The following EYA4 variants were observed in gnomAD, a reference collection of about 807,000 sequenced individuals.
The protein encoded by EYA4 is EYA transcriptional coactivator and phosphatase 4, also known as protein phosphatase EYA4.
EYA4 carries 31 observed loss-of-function variants against 87.9 expected under a neutral mutation model. The observed-to-expected ratio is 0.35, with a 90% CI of 0.27 to 0.48. EYA4 has a LOEUF of 0.48. Ranked by LOEUF, EYA4 falls within the 20% of genes least tolerant of loss-of-function variation. The probability of loss-of-function intolerance (pLI) is 0.99; values close to 1 mark genes in which losing one functional copy is unlikely to be tolerated. For missense variants in EYA4, 678 were observed against 761.4 expected, an observed-to-expected ratio of 0.89 and a Z score of 1.29; for synonymous variants, 263 against 270.6, an observed-to-expected ratio of 0.97 and a Z score of 0.28.
chr6:133,289,459 A>G (rs759449626), intron 2 of EYA4, among the ~76,000 whole-genome samples: 2 of 152,206 alleles, frequency 1.3e-5, no homozygotes, highest in Non-Finnish European at 2.9e-5. Flanking sequence ...GTTTTCTTTT[A>G]GCAAAATATC....
intron 7 of EYA4, 132 bp from the exon 8 acceptor site, chr6:133,462,203 C>A: frequency 9.1e-7 from 1 of 1,100,876 alleles, no homozygotes; most frequent in Non-Finnish European, 1.4e-6. Flanking sequence ...TTGCTTTTTC[C>A]TATATTGTTA....
rs570238963 is a variant in EYA4 at position 133,508,924 on chromosome 6, T to C, written c.1281+2729T>C. 1.6e-3 allele frequency among the ~76,000 whole-genome samples: 249 copies of C among 152,172 alleles called. 1 individual carries two copies. Among genetic ancestry groups the C allele is most frequent in the Non-Finnish European group, 3.1e-3 (208 of 68,022 alleles). Reference sequence around the variant, plus strand: ...TTTTTAGTTGTGTTTTAGAATGTGATAAGAATTTCATTTGACTCAAACCCT... The same window carrying C: ...TTTTTAGTTGTGTTTTAGAATGTGACAAGAATTTCATTTGACTCAAACCCT... On this transcript the variant is annotated intron_variant, in intron 14 of 19. Transcript: ENST00000355286.
chr6:133,526,038 GC>G (rs1166155316), intron 19 of EYA4: 2 of 374,752 alleles, frequency 5.3e-6, no homozygotes, highest in Non-Finnish European at 7.3e-6. Context: ...TTTTCATCTG[GC>G]CCGTATTTCT....
Position 133,462,772 on chromosome 6 carries a change from G to A in EYA4, c.724+8G>A. On this transcript the variant is annotated splice_region_variant and intron_variant, in intron 9 of 19. Transcript: ENST00000355286. ...ATTCTTACCAAATGCCAGGTAAGTAGCTACACATGAAACATGTTTTGGGAG... is the reference window on the plus strand; with the variant it reads ...ATTCTTACCAAATGCCAGGTAAGTAACTACACATGAAACATGTTTTGGGAG... 1 of 1,613,290 alleles carries A rather than the reference G, an allele frequency of 6.2e-7. No homozygotes were observed. Among genetic ancestry groups the A allele is most frequent in the Non-Finnish European group, 8.5e-7 (1 of 1,179,380 alleles).
At chr6:133,437,040 A>G (rs1791755691) in intron 3 of EYA4, among the ~76,000 whole-genome samples, 1 of 152,164 alleles carries the variant, frequency 6.6e-6, no homozygotes, top group East Asian at 1.9e-4. Context: ...AACTAGTTGC[A>G]TGTCTTTACA....
rs113918845 is a variant in EYA4 at position 133,358,154 on chromosome 6, G to A, written c.34-24238G>A. Among the ~76,000 whole-genome samples the A allele has an allele frequency of 9.4e-4, 143 of 152,154 alleles. No homozygotes were observed. The Middle Eastern group carries it at 0.01, about 11-fold the overall frequency. On this transcript the variant is annotated intron_variant, in intron 2 of 19. Coordinates refer to ENST00000355286, the MANE Select transcript of EYA4 (RefSeq NM_004100.5). The stretch of plus-strand genomic sequence containing the variant: ...ATGCTTCAACAGAGCAAAACACAGT[G>A]GTCTGAAACTAGTTTAATAGAAACC...
At chr6:133,372,688 C>G (rs1002154767) in intron 2 of EYA4, among the ~76,000 whole-genome samples, 1 of 151,350 alleles carries the variant, frequency 6.6e-6, no homozygotes, top group African/African-American at 2.4e-5. Flanking sequence ...AAGATAAAAT[C>G]TGTAAAATTC....
At chr6:133,243,119 T>TG (rs1554206020) in intron 1 of EYA4, among the ~76,000 whole-genome samples, 1 of 142,248 alleles carries the variant, frequency 7.0e-6, no homozygotes, top group Admixed American at 7.0e-5. Context: ...TGTGTGTGTG[T>TG]TGTGTACTTG....
chr6:133,402,083 A>G (rs1788313194), intron 3 of EYA4, among the ~76,000 whole-genome samples: 1 of 152,186 alleles, frequency 6.6e-6, no homozygotes, highest in Non-Finnish European at 1.5e-5. Context: ...CTTTTGTTCT[A>G]AAAGATATCT....
At chr6:133,338,253 G>A (rs1049508711) in intron 2 of EYA4, among the ~76,000 whole-genome samples, 2 of 151,996 alleles carry the variant, frequency 1.3e-5, no homozygotes, top group South Asian at 2.1e-4. Flanking sequence ...AGAAAAAAAG[G>A]TCACTCAATT....
intron 1 of EYA4, among the ~76,000 whole-genome samples, chr6:133,272,922 C>T (rs111288063): frequency 0.016 from 2,425 of 151,830 alleles, 30 homozygotes; most frequent in South Asian, 0.052. Flanking sequence ...TAGAGCTAGG[C>T]GTGGAATATG....
chr6:133,381,126 T>C (rs1786184172), intron 2 of EYA4, among the ~76,000 whole-genome samples: 1 of 143,926 alleles, frequency 6.9e-6, no homozygotes, highest in Non-Finnish European at 1.5e-5. Flanking sequence ...ATTACCATGT[T>C]AAAGGCATAG....
At chr6:133,325,627 T>C (rs1412036495) in intron 2 of EYA4, among the ~76,000 whole-genome samples, 1 of 152,190 alleles carries the variant, frequency 6.6e-6, no homozygotes, top group Non-Finnish European at 1.5e-5. Context: ...AACCTTATGG[T>C]TCTAAATTTT....
chr6:133,360,868 G>T (rs1009531355), intron 2 of EYA4, among the ~76,000 whole-genome samples: 2 of 152,220 alleles, frequency 1.3e-5, no homozygotes, highest in African/African-American at 4.8e-5. Context: ...ATAGCATAGA[G>T]ATTGGGATGT....
chr6:133,373,065 A>G (rs898439842), intron 2 of EYA4, among the ~76,000 whole-genome samples: 28 of 152,122 alleles, frequency 1.8e-4, no homozygotes, highest in African/African-American at 6.0e-4. Context: ...ATAGTCAATT[A>G]TTGTTCAAAT....
intron 2 of EYA4, among the ~76,000 whole-genome samples, chr6:133,352,870 TTAA>T (rs908469976): frequency 6.6e-5 from 10 of 152,212 alleles, no homozygotes; most frequent in South Asian, 6.2e-4. Flanking sequence ...ACCAACAAAG[TTAA>T]TACCACTAAC....
intron 3 of EYA4, among the ~76,000 whole-genome samples, chr6:133,428,228 G>A (rs530440385): frequency 6.6e-6 from 1 of 152,282 alleles, no homozygotes; most frequent in East Asian, 1.9e-4. Context: ...TATGAGGGCT[G>A]AGGAGGGATG....
At chr6:133,445,297 GCTGT>G (rs576174130) in intron 3 of EYA4, among the ~76,000 whole-genome samples, 5 of 151,810 alleles carry the variant, frequency 3.3e-5, no homozygotes, top group Admixed American at 6.6e-5. Context: ...GCTTCAATAG[GCTGT>G]CTTTCATGAA....
chr6:133,524,804 T>G (rs1353272976), intron 18 of EYA4, among the ~76,000 whole-genome samples: 1 of 152,194 alleles, frequency 6.6e-6, no homozygotes, highest in Non-Finnish European at 1.5e-5. Context: ...CAAATGCTTA[T>G]CCCTACTGAT....
Sources: allele counts gnomAD v4.1 joint callset (sites outside exome capture counted in the v4.1 genomes callset), GRCh38; gene constraint gnomAD v4.1.1; transcripts MANE v1.5; gene names NCBI Gene and HGNC (gene_info 2026-07-23, HGNC 2026-07-21).